The following PPP1R14C variants were observed in gnomAD, a reference collection of about 807,000 sequenced individuals.
PPP1R14C encodes the protein protein phosphatase 1 regulatory inhibitor subunit 14C.
A neutral mutation model predicts 20.4 loss-of-function variants in PPP1R14C; 16 were observed. That is an observed-to-expected ratio of 0.78 (90% CI 0.53 to 1.19). The LOEUF (loss-of-function observed/expected upper bound fraction) is 1.19. PPP1R14C is among the 50% of genes most tolerant of loss of function. PPP1R14C has a pLI of 0.00. For synonymous variants in PPP1R14C, 91 were observed against 91.0 expected, an observed-to-expected ratio of 1.00 and a Z score of 0.00; for missense variants, 211 against 220.1, an observed-to-expected ratio of 0.96 and a Z score of 0.26.
At chr6:150,196,192 A>G in intron 1 of PPP1R14C, 2 of 908,786 alleles carry the variant, frequency 2.2e-6, no homozygotes, top group Non-Finnish European at 2.6e-6. Flanking sequence ...AACAGCCTAG[A>G]AACTGGCAAA....
At chr6:150,160,569 A>G (rs1380729460) in intron 1 of PPP1R14C, among the ~76,000 whole-genome samples, 1 of 151,604 alleles carries the variant, frequency 6.6e-6, no homozygotes, top group South Asian at 2.1e-4. Context: ...CACCGCGCCC[A>G]GTAGCTCATT....
chr6:150,164,678 C>T (rs910298474), intron 1 of PPP1R14C: 1 of 177,576 alleles, frequency 5.6e-6, no homozygotes, highest in Non-Finnish European at 1.3e-5. Flanking sequence ...GCACATGACC[C>T]ATCTGACCTG....
At chr6:150,154,406 C>T (rs7753761) in intron 1 of PPP1R14C, among the ~76,000 whole-genome samples, 2,669 of 152,218 alleles carry the variant, frequency 0.018, 79 homozygotes, top group African/African-American at 0.061. Context: ...GTCGGGCCAC[C>T]GCTGACCAGC....
In PPP1R14C at chr6:150,189,559, T is replaced by G. The variant is rs553433163; in HGVS notation, c.307-25185T>G. Among the ~76,000 whole-genome samples, 494 of 151,914 alleles carry G rather than the reference T, an allele frequency of 3.3e-3. 3 individuals carry two copies. Among genetic ancestry groups the G allele is most frequent in the Middle Eastern group, 6.8e-3 (2 of 294 alleles). ...TTGGAAAACATTCTGCTTTTTTTTT[T>G]TGTGGAAGATTGAGAAATACTCTAG... On this transcript the variant is annotated intron_variant, in intron 1 of 3. Coordinates refer to ENST00000361131, the MANE Select transcript of PPP1R14C (RefSeq NM_030949.3).
intron 1 of PPP1R14C, among the ~76,000 whole-genome samples, chr6:150,166,917 C>G (rs898238482): frequency 6.6e-6 from 1 of 152,096 alleles, no homozygotes; most frequent in African/African-American, 2.4e-5. Context: ...CATTTGGAAC[C>G]GAGTGAAGGA....
chr6:150,200,290 CA>C (rs1268071775), intron 1 of PPP1R14C, among the ~76,000 whole-genome samples: 2 of 152,042 alleles, frequency 1.3e-5, no homozygotes, highest in African/African-American at 4.8e-5. Context: ...TTCTGAAGTA[CA>C]GGATTTTAAA....
At chr6:150,212,251 A>G (rs887814068) in intron 1 of PPP1R14C, among the ~76,000 whole-genome samples, 1 of 152,202 alleles carries the variant, frequency 6.6e-6, no homozygotes, top group Non-Finnish European at 1.5e-5. Context: ...AGCACTTGAG[A>G]TGTGGTCATT....
Position 150,187,247 on chromosome 6 carries a change from C to CTGTGTGTGTGTGTGTGTG in PPP1R14C, c.307-27469_307-27452dup, listed in dbSNP as rs61153538. Among the ~76,000 whole-genome samples, 3 of 141,496 alleles carry CTGTGTGTGTGTGTGTGTG rather than the reference C, an allele frequency of 2.1e-5. No individual in the cohort carries two copies. In the East Asian group the frequency reaches 6.3e-4, roughly 30 times the overall value. The allele number at this position is 141,496 out of a possible 152,430, so 92.8% of individuals were successfully genotyped here. A position where few individuals can be genotyped will look rare whatever the true frequency, so the allele number is the denominator to read the frequency against. Reference sequence around the variant, plus strand: ...TGCCCACCTTGGCCTTTCTCTTTCTCTGTGTGTGTGTGTGTGTGTGTGTGT... The same window carrying CTGTGTGTGTGTGTGTGTG: ...TGCCCACCTTGGCCTTTCTCTTTCTCTGTGTGTGTGTGTGTGTGTGTGTGTGTGTGTGTGTGTGTGTGT... On this transcript the variant is annotated intron_variant, in intron 1 of 3. Transcript: ENST00000361131.
intron 1 of PPP1R14C, among the ~76,000 whole-genome samples, chr6:150,200,865 A>C (rs1777868958): frequency 6.6e-6 from 1 of 151,968 alleles, no homozygotes; most frequent in African/African-American, 2.4e-5. Flanking sequence ...GTTTCCATGG[A>C]GTTTCCTGGG....
At position 150,185,416 on chromosome 6, in the gene PPP1R14C, C is replaced by T. The variant is rs189119571; in HGVS notation, c.307-29328C>T. Among the ~76,000 whole-genome samples the T allele has an allele frequency of 2.6e-5, 4 of 152,254 alleles. No homozygotes were observed. Among genetic ancestry groups the T allele is most frequent in the East Asian group, 3.9e-4 (2 of 5,168 alleles). ...CTACCTCATCGATTTCCTGACTGCTCGTCTTGCCATGGGGACCATCCTTGC... is the reference window on the plus strand; with the variant it reads ...CTACCTCATCGATTTCCTGACTGCTTGTCTTGCCATGGGGACCATCCTTGC... On this transcript the variant is annotated intron_variant, in intron 1 of 3. Coordinates refer to ENST00000361131, the MANE Select transcript of PPP1R14C (RefSeq NM_030949.3). The surrounding 1 kb of genome is among the most constrained non-coding windows in gnomAD (Gnocchi z 4.1).
chr6:150,190,914 T>A (rs1777734439), intron 1 of PPP1R14C, among the ~76,000 whole-genome samples: 1 of 152,150 alleles, frequency 6.6e-6, no homozygotes, highest in South Asian at 2.1e-4. Flanking sequence ...GCCAGAGTGA[T>A]CCCGTTAATA....
chr6:150,231,135 G>A (rs1046447609), intron 3 of PPP1R14C, among the ~76,000 whole-genome samples: 5 of 152,246 alleles, frequency 3.3e-5, no homozygotes, highest in East Asian at 1.9e-4. Flanking sequence ...ACAGAGCCAT[G>A]TGGTAGAAAC....
intron 3 of PPP1R14C, among the ~76,000 whole-genome samples, chr6:150,219,082 G>C (rs926212801): frequency 2.0e-5 from 3 of 151,736 alleles, no homozygotes; most frequent in Non-Finnish European, 4.4e-5. Context: ...TTATTTAACA[G>C]TATTTTGTTA....
intron 1 of PPP1R14C, among the ~76,000 whole-genome samples, chr6:150,206,518 G>A (rs923623804): frequency 6.6e-6 from 1 of 152,172 alleles, no homozygotes; most frequent in Non-Finnish European, 1.5e-5. Flanking sequence ...ATCTTCATGT[G>A]TGAGCACTGG....
At chr6:150,211,739 G>A (rs538302178) in intron 1 of PPP1R14C, among the ~76,000 whole-genome samples, 2 of 152,270 alleles carry the variant, frequency 1.3e-5, no homozygotes, top group East Asian at 3.9e-4. Context: ...GAGCCTCTGG[G>A]TCTCTATGTT....
intron 1 of PPP1R14C, among the ~76,000 whole-genome samples, chr6:150,174,703 G>T (rs1024725715): frequency 2.1e-4 from 32 of 151,092 alleles, no homozygotes; most frequent in African/African-American, 7.3e-4. Flanking sequence ...AGTGGCTCAC[G>T]CCTGTAATCC....
chr6:150,225,161 AAAG>A (rs1460831479), intron 3 of PPP1R14C, among the ~76,000 whole-genome samples: 3 of 152,094 alleles, frequency 2.0e-5, no homozygotes, highest in Non-Finnish European at 2.9e-5. Flanking sequence ...GGGGAAAAAA[AAAG>A]AAGAAGAAAA....
chr6:150,153,160 G>T (rs887584023), intron 1 of PPP1R14C, among the ~76,000 whole-genome samples: 5 of 152,202 alleles, frequency 3.3e-5, no homozygotes, highest in Admixed American at 2.0e-4. Flanking sequence ...CTCAGTCTGT[G>T]CTATTTATTT....
intron 1 of PPP1R14C, among the ~76,000 whole-genome samples, chr6:150,147,068 G>C (rs1043779038): frequency 1.3e-5 from 2 of 149,840 alleles, no homozygotes; most frequent in African/African-American, 4.9e-5. Flanking sequence ...TGATTATAAT[G>C]TAACCATTAG....
Sources: gnomAD v4.1 joint callset for allele counts (sites outside exome capture counted in the v4.1 genomes callset) on GRCh38, gnomAD v4.1.1 for gene constraint, Gnocchi (gnomAD v3.1) non-coding constraint, MANE v1.5 for transcripts, NCBI Gene and HGNC (gene_info 2026-07-23, HGNC 2026-07-21) for gene names.